The following AIG1 variants were observed in gnomAD, a reference collection of about 807,000 sequenced individuals.
The protein encoded by AIG1 is androgen induced 1, also known as androgen-induced gene 1 protein.
A neutral mutation model predicts 31.4 loss-of-function variants in AIG1; 23 were observed. The ratio of observed to expected loss-of-function variants is 0.73; its 90% CI spans 0.53 to 1.04. The LOEUF is 1.04. Among genes scored for constraint, AIG1 ranks in the 50% least tolerant of loss-of-function variants. AIG1 has a pLI of 0.00. For missense variants in AIG1, 274 were observed against 295.0 expected, an observed-to-expected ratio of 0.93 and a Z score of 0.52; for synonymous variants, 100 against 110.5, an observed-to-expected ratio of 0.90 and a Z score of 0.60.
chr6:143,266,280 G>A (rs1796146080), intron 3 of AIG1, among the ~76,000 whole-genome samples: 1 of 150,218 alleles, frequency 6.7e-6, no homozygotes, highest in African/African-American at 2.5e-5. Flanking sequence ...CCAGGAGGCA[G>A]AGGTTGCAGT....
chr6:143,262,968 T>G (rs913471644), intron 3 of AIG1, among the ~76,000 whole-genome samples: 1 of 152,190 alleles, frequency 6.6e-6, no homozygotes, highest in African/African-American at 2.4e-5. Context: ...ATTCATAAAA[T>G]TAACACCACA....
chr6:143,139,667 CTT>C (rs1784088352), intron 2 of AIG1, among the ~76,000 whole-genome samples: 1 of 151,982 alleles, frequency 6.6e-6, no homozygotes, highest in South Asian at 2.1e-4. Context: ...AGTGACATTT[CTT>C]TCTCTCTTTT....
chr6:143,059,560 C>CTAG (rs1776086972), upstream of AIG1, among the ~76,000 whole-genome samples: 1 of 152,086 alleles, frequency 6.6e-6, no homozygotes, highest in South Asian at 2.1e-4. Context: ...CGTTTTAATG[C>CTAG]TAGTAGAATC....
intron 3 of AIG1, among the ~76,000 whole-genome samples, chr6:143,228,416 C>T (rs1033580288): frequency 2.6e-5 from 4 of 152,152 alleles, no homozygotes; most frequent in East Asian, 1.9e-4. Context: ...ACCTCTACAG[C>T]GGGGACTGAG....
At chr6:143,078,452 T>C (rs1777922722) in intron 1 of AIG1, among the ~76,000 whole-genome samples, 1 of 152,186 alleles carries the variant, frequency 6.6e-6, no homozygotes, top group Non-Finnish European at 1.5e-5. Context: ...ACCATGAACA[T>C]TTTGAATATT....
In AIG1 at chr6:143,257,289, A is replaced by G. The variant is rs1795435959; in HGVS notation, c.400-26821A>G. ...TGAGGTTTGAAATGTGGTGTTTACT[A>G]TTTAGAGTGATCTTAAATATTTACA... On this transcript the variant is annotated intron_variant, in intron 3 of 5. Coordinates refer to ENST00000357847, the MANE Select transcript of AIG1 (RefSeq NM_016108.4). Among the ~76,000 whole-genome samples, 4 of 152,350 alleles carry G rather than the reference A, an allele frequency of 2.6e-5. No homozygotes were observed. The South Asian group carries it at 8.3e-4, about 32-fold the overall frequency.
chr6:143,236,845 A>T (rs1303241896), intron 3 of AIG1, among the ~76,000 whole-genome samples: 1 of 152,154 alleles, frequency 6.6e-6, no homozygotes, highest in Non-Finnish European at 1.5e-5. Flanking sequence ...TCCTTAAGAA[A>T]TTTTTTTCAC....
At chr6:143,191,026 A>G (rs1789744792) in intron 3 of AIG1, among the ~76,000 whole-genome samples, 1 of 152,024 alleles carries the variant, frequency 6.6e-6, no homozygotes, top group Non-Finnish European at 1.5e-5. Context: ...ACGTTTGAAG[A>G]TCTTTGAATT....
intron 4 of AIG1, among the ~76,000 whole-genome samples, chr6:143,315,916 A>G (rs1362319372): frequency 6.6e-6 from 1 of 152,118 alleles, no homozygotes; most frequent in African/African-American, 2.4e-5. Flanking sequence ...GATAGGGGAA[A>G]AAAAGAGGGG....
intron 3 of AIG1, among the ~76,000 whole-genome samples, chr6:143,250,617 G>A (rs951846791): frequency 6.6e-6 from 1 of 152,104 alleles, no homozygotes; most frequent in African/African-American, 2.4e-5. Flanking sequence ...GCAGAGAGAA[G>A]TTAGACACAC....
intron 1 of AIG1, chr6:143,099,611 C>T (rs949222343): frequency 6.6e-6 from 1 of 152,090 alleles, no homozygotes; most frequent in Admixed American, 6.6e-5. Flanking sequence ...TACTCCTAAA[C>T]AAAATATTGT....
At chr6:143,300,001 G>A (rs577633228) in intron 4 of AIG1, among the ~76,000 whole-genome samples, 25 of 152,260 alleles carry the variant, frequency 1.6e-4, no homozygotes, top group South Asian at 2.1e-4. Context: ...CACCACCACC[G>A]GGCTAGAATC....
At chr6:143,165,001 CT>C in intron 2 of AIG1, 80 bp from the exon 3 acceptor site, 1 of 1,095,122 alleles carries the variant, frequency 9.1e-7, no homozygotes, top group East Asian at 2.4e-5. Flanking sequence ...CTGTTGGATT[CT>C]TTCAACTATT....
intron 1 of AIG1, among the ~76,000 whole-genome samples, chr6:143,095,404 C>T (rs754476414): frequency 1.3e-5 from 2 of 152,288 alleles, no homozygotes; most frequent in African/African-American, 2.4e-5. Context: ...TAGCTGGACT[C>T]ATCCTGGCAA....
Position 143,298,329 on chromosome 6 carries a change from C to G in AIG1, c.515+14104C>G, listed in dbSNP as rs60284513. ...CAAGTGCCTTCTATAAACATGTTCC[C>G]CTTATTCTCCCTTTGCCACACAAAG... On this transcript the variant is annotated intron_variant, in intron 4 of 5. Coordinates refer to ENST00000357847, the MANE Select transcript of AIG1 (RefSeq NM_016108.4). The surrounding 1 kb of genome is among the most constrained non-coding windows in gnomAD (Gnocchi z 5.1). 0.068 allele frequency among the ~76,000 whole-genome samples: 10,319 copies of G among 152,234 alleles called. 951 individuals carry two copies. Among genetic ancestry groups the G allele is most frequent in the African/African-American group, 0.21 (8,584 of 41,534 alleles).
chr6:143,302,904 A>C (rs1465730438), intron 4 of AIG1, among the ~76,000 whole-genome samples: 1 of 152,072 alleles, frequency 6.6e-6, no homozygotes, highest in Non-Finnish European at 1.5e-5. Context: ...CTGACTTTTT[A>C]ATGATTGCCA....
intron 1 of AIG1, among the ~76,000 whole-genome samples, chr6:143,122,339 C>G (rs1321153442): frequency 1.3e-5 from 2 of 151,958 alleles, no homozygotes; most frequent in African/African-American, 2.4e-5. Context: ...CCATGTACAA[C>G]TTTGACTATT....
At chr6:143,246,014 A>T (rs903976989) in intron 3 of AIG1, among the ~76,000 whole-genome samples, 7 of 151,908 alleles carry the variant, frequency 4.6e-5, no homozygotes, top group African/African-American at 1.5e-4. Context: ...TGTTGAGCTT[A>T]AAAAAAAGTT....
chr6:143,144,589 T>C (rs959519392), intron 2 of AIG1, among the ~76,000 whole-genome samples: 8 of 152,220 alleles, frequency 5.3e-5, no homozygotes, highest in Non-Finnish European at 2.9e-5. Flanking sequence ...TATAAGTTAA[T>C]GAGGTATTCA....
Sources: gnomAD v4.1 joint callset for allele counts (sites outside exome capture counted in the v4.1 genomes callset) on GRCh38, gnomAD v4.1.1 for gene constraint, Gnocchi (gnomAD v3.1) non-coding constraint, MANE v1.5 for transcripts, NCBI Gene and HGNC (gene_info 2026-07-23, HGNC 2026-07-21) for gene names.